The following CELF2 variants were observed in gnomAD, a reference collection of about 807,000 sequenced individuals.
CELF2 encodes CUG triplet repeat RNA-binding protein 2.
In CELF2, 8 loss-of-function variants were observed where a neutral mutation model predicts 62.6. The ratio of observed to expected loss-of-function variants is 0.13; its 90% CI spans 0.07 to 0.23. The LOEUF (loss-of-function observed/expected upper bound fraction) is 0.23. Ranked by LOEUF, CELF2 falls within the 10% of genes least tolerant of loss-of-function variation. The pLI is 1.00. For synonymous variants in CELF2, 258 were observed against 250.0 expected (o/e 1.03, Z -0.30); for missense variants, 333 against 671.0 (o/e 0.50, Z 5.56).
chr10:11,086,148 C>CTGTTTT (rs930894921), intron 1 of CELF2, among the ~76,000 whole-genome samples: 119 of 152,244 alleles, frequency 7.8e-4, no homozygotes, highest in African/African-American at 2.8e-3. Context: ...TAGGTACCCA[C>CTGTTTT]TGTTTTTCAA....
chr10:10,738,347 C>G, the CELF2 span, among the ~76,000 whole-genome samples: 3 of 152,138 alleles, frequency 2.0e-5, no homozygotes, highest in Admixed American at 2.0e-4. Flanking sequence ...GTAGGATGTA[C>G]ATAGTGGCTT....
chr10:10,564,732 C>T, the CELF2 span, among the ~76,000 whole-genome samples: 1 of 150,292 alleles, frequency 6.7e-6, no homozygotes, highest in Non-Finnish European at 1.5e-5. Context: ...GAAAAGCAGC[C>T]AAGTGCCAAA....
the CELF2 span, among the ~76,000 whole-genome samples, chr10:10,495,963 T>C: frequency 3.3e-5 from 5 of 152,242 alleles, no homozygotes; most frequent in Non-Finnish European, 5.9e-5. Flanking sequence ...CTTTAAAGAA[T>C]GGTATTTAAC....
At chr10:10,851,898 C>T (rs902722292) in intron 1 of CELF2, among the ~76,000 whole-genome samples, 10 of 152,286 alleles carry the variant, frequency 6.6e-5, no homozygotes, top group Admixed American at 5.2e-4. Flanking sequence ...AAACTAGTGA[C>T]CTGTTCCTGC....
intron 2 of CELF2, among the ~76,000 whole-genome samples, chr10:10,976,841 C>T (rs1314197559): frequency 2.6e-5 from 4 of 152,170 alleles, no homozygotes; most frequent in Non-Finnish European, 4.4e-5. Context: ...CGCTCACTTG[C>T]ACCACTGGGC....
chr10:11,323,428 A>AATAAT (rs552136673), intron 11 of CELF2, among the ~76,000 whole-genome samples: 1 of 127,228 alleles, frequency 7.9e-6, no homozygotes, highest in Non-Finnish European at 1.7e-5. Context: ...GAGCAAAAAT[A>AATAAT]ATAATAATAA....
At chr10:10,572,082 T>TA in the CELF2 span, among the ~76,000 whole-genome samples, 1 of 152,150 alleles carries the variant, frequency 6.6e-6, no homozygotes, top group African/African-American at 2.4e-5. Flanking sequence ...GTTTTACACC[T>TA]AATTAATGGC....
At chr10:10,785,280 CA>C in the CELF2 span, among the ~76,000 whole-genome samples, 1 of 152,154 alleles carries the variant, frequency 6.6e-6, no homozygotes, top group Admixed American at 6.6e-5. Context: ...GATTCTATCT[CA>C]ATATCATCTG....
chr10:11,068,545 AC>A (rs1196017139), intron 1 of CELF2, among the ~76,000 whole-genome samples: 7 of 151,340 alleles, frequency 4.6e-5, no homozygotes, highest in African/African-American at 9.8e-5. Flanking sequence ...AACAAACAGA[AC>A]ATTATGAGAA....
At chr10:10,798,303 T>A (rs1462646207), upstream of CELF2, 1 of 153,802 alleles carries the variant, frequency 6.5e-6, no homozygotes, top group Non-Finnish European at 1.4e-5. Context: ...CTGCCAGGAA[T>A]AAGAAAAGCA....
At chr10:11,184,346 C>T (rs559058660) in intron 2 of CELF2, among the ~76,000 whole-genome samples, 8 of 152,322 alleles carry the variant, frequency 5.3e-5, no homozygotes, top group South Asian at 2.1e-4. Context: ...CTTCCAACTT[C>T]GTTCCTCATT....
intron 2 of CELF2, among the ~76,000 whole-genome samples, chr10:10,975,124 T>G (rs1359975885): frequency 1.3e-5 from 2 of 152,104 alleles, no homozygotes; most frequent in Non-Finnish European, 2.9e-5. Flanking sequence ...TTGGAACACA[T>G]TTTTTTCTCC....
intron 2 of CELF2, among the ~76,000 whole-genome samples, chr10:11,175,037 G>A (rs7095056): frequency 4.2e-4 from 63 of 150,878 alleles, no homozygotes; most frequent in African/African-American, 1.5e-3. Flanking sequence ...ATTTATGAAA[G>A]CTAGTATTAA....
the CELF2 span, among the ~76,000 whole-genome samples, chr10:10,545,056 T>C: frequency 8.5e-5 from 13 of 152,334 alleles, no homozygotes; most frequent in East Asian, 1.9e-4. Flanking sequence ...CTGTTTCCCT[T>C]TGATACACGC....
chr10:10,770,415 G>T, the CELF2 span, among the ~76,000 whole-genome samples: 20,442 of 151,854 alleles, frequency 0.13, 1,751 homozygotes, highest in East Asian at 0.31. Flanking sequence ...GAGGTCTGCT[G>T]GGGTGGAGGC....
At chr10:11,115,623 C>A (rs910748213) in intron 1 of CELF2, among the ~76,000 whole-genome samples, 25 of 152,288 alleles carry the variant, frequency 1.6e-4, no homozygotes, top group African/African-American at 6.0e-4. Flanking sequence ...TATGGAATTT[C>A]TTCAAGTACA....
At chr10:10,753,612 G>C in the CELF2 span, among the ~76,000 whole-genome samples, 2 of 152,112 alleles carry the variant, frequency 1.3e-5, no homozygotes, top group East Asian at 3.9e-4. Context: ...CTTTCTTCTT[G>C]GACAACTTAA....
At chr10:10,965,486 G>A (rs1417340352) in intron 2 of CELF2, among the ~76,000 whole-genome samples, 1 of 152,172 alleles carries the variant, frequency 6.6e-6, no homozygotes, top group African/African-American at 2.4e-5. Flanking sequence ...TAGAGGTCTT[G>A]TTGAAATTCA....
chr10:10,550,397 T>G, the CELF2 span, among the ~76,000 whole-genome samples: 2 of 152,140 alleles, frequency 1.3e-5, no homozygotes, highest in Admixed American at 6.5e-5. Flanking sequence ...GACCCACATG[T>G]TACAGAGTCA....
Sources: allele counts gnomAD v4.1 joint callset (sites outside exome capture counted in the v4.1 genomes callset), GRCh38; gene constraint gnomAD v4.1.1; transcripts MANE v1.5; gene names NCBI Gene and HGNC (gene_info 2026-07-23, HGNC 2026-07-21).